Variants in SLC24A2 observed in about 807,000 individuals in gnomAD.
SLC24A2 encodes sodium/potassium/calcium exchanger 2.
In SLC24A2, 36 loss-of-function variants were observed where a neutral mutation model predicts 62.0. The observed-to-expected ratio is 0.58, with a 90% CI of 0.44 to 0.77. SLC24A2 has a LOEUF of 0.77. SLC24A2 is among the 30% of genes least tolerant of loss of function. The probability of loss-of-function intolerance (pLI) is 0.00; values close to 1 mark genes in which losing one functional copy is unlikely to be tolerated. For synonymous variants in SLC24A2, 358 were observed against 294.0 expected, an observed-to-expected ratio of 1.22 and a Z score of -2.23; for missense variants, 846 against 817.9, an observed-to-expected ratio of 1.03 and a Z score of -0.42.
At chr9:20,087,802 G>T in the SLC24A2 span, among the ~76,000 whole-genome samples, 1 of 151,698 alleles carries the variant, frequency 6.6e-6, no homozygotes, top group East Asian at 1.9e-4. Context: ...ACATGCACTG[G>T]CATTCATCAA....
the SLC24A2 span, among the ~76,000 whole-genome samples, chr9:20,112,739 G>A: frequency 8.6e-5 from 13 of 152,004 alleles, no homozygotes; most frequent in East Asian, 1.9e-4. Context: ...CTGGGGACCC[G>A]AGAGGTGGCT....
At chr9:19,990,348 G>A in the SLC24A2 span, among the ~76,000 whole-genome samples, 121,138 of 151,936 alleles carry the variant, frequency 0.8, 48,550 homozygotes, top group Non-Finnish European at 0.83. Flanking sequence ...ACGGTGGCTC[G>A]TACCTCTAAT....
At position 19,781,148 on chromosome 9, in the gene SLC24A2, C is replaced by T. The variant is rs1237395068; in HGVS notation, c.930+4789G>A. Among the ~76,000 whole-genome samples, 11 of 152,056 alleles carry T rather than the reference C, an allele frequency of 7.2e-5. No homozygotes were observed. The East Asian group carries it at 1.9e-3, about 27-fold the overall frequency. On this transcript the variant is annotated intron_variant, in intron 2 of 10. Transcript: ENST00000341998. ...CATATTCTGGTTACTAGAGACTTAC[C>T]TAAAACAAAAGAAGGTTGAAAATAA...
At chr9:20,066,866 T>G in the SLC24A2 span, among the ~76,000 whole-genome samples, 70 of 152,308 alleles carry the variant, frequency 4.6e-4, 2 homozygotes, top group South Asian at 1.9e-3. Context: ...GGTAATGACT[T>G]GTTTCTGTTG....
chr9:19,535,196 T>C (rs1833898867), intron 8 of SLC24A2, among the ~76,000 whole-genome samples: 1 of 152,190 alleles, frequency 6.6e-6, no homozygotes, highest in Non-Finnish European at 1.5e-5. Flanking sequence ...TGCCCACTTT[T>C]TGATGGGGTT....
At chr9:19,751,415 T>G (rs1347509430) in intron 2 of SLC24A2, among the ~76,000 whole-genome samples, 2 of 152,090 alleles carry the variant, frequency 1.3e-5, no homozygotes, top group African/African-American at 4.8e-5. Context: ...TTTTCAAAAT[T>G]TAAAAGTCTT....
the SLC24A2 span, among the ~76,000 whole-genome samples, chr9:20,275,171 A>G: frequency 6.6e-6 from 1 of 152,204 alleles, no homozygotes; most frequent in African/African-American, 2.4e-5. Flanking sequence ...CCTGAAGCTA[A>G]AAGTAAACAT....
At chr9:19,958,396 G>A in the SLC24A2 span, among the ~76,000 whole-genome samples, 1 of 152,182 alleles carries the variant, frequency 6.6e-6, no homozygotes, top group Non-Finnish European at 1.5e-5. Flanking sequence ...TCCACACAGA[G>A]GTCTGTTTCT....
the SLC24A2 span, among the ~76,000 whole-genome samples, chr9:19,934,929 T>C: frequency 6.6e-6 from 1 of 152,108 alleles, no homozygotes; most frequent in African/African-American, 2.4e-5. This position sits in a 1 kb window ranked among gnomAD's most constrained non-coding sequence, Gnocchi z 4.1. Context: ...AGGGGTCTCA[T>C]GGCCTTGAGA....
chr9:19,673,269 G>A (rs1819468990), intron 2 of SLC24A2, among the ~76,000 whole-genome samples: 2 of 146,496 alleles, frequency 1.4e-5, no homozygotes, highest in Non-Finnish European at 3.0e-5. Context: ...TGTTGGACAA[G>A]TCCTTTTATC....
chr9:19,527,192 CAA>C (rs987080218), intron 9 of SLC24A2, among the ~76,000 whole-genome samples: 3 of 151,994 alleles, frequency 2.0e-5, no homozygotes, highest in Non-Finnish European at 2.9e-5. Context: ...TTATATTAAA[CAA>C]AGGATACAAG....
chr9:20,242,350 G>A, the SLC24A2 span, among the ~76,000 whole-genome samples: 2 of 152,190 alleles, frequency 1.3e-5, no homozygotes, highest in African/African-American at 2.4e-5. Context: ...CTTCCTACTC[G>A]ATGCATTACT....
chr9:20,045,063 G>T, the SLC24A2 span, among the ~76,000 whole-genome samples: 1 of 152,080 alleles, frequency 6.6e-6, no homozygotes, highest in Admixed American at 6.5e-5. Context: ...TATTTTTGTT[G>T]TATTAAATAA....
At chr9:20,185,793 G>A in the SLC24A2 span, among the ~76,000 whole-genome samples, 2 of 152,226 alleles carry the variant, frequency 1.3e-5, no homozygotes, top group Admixed American at 6.5e-5. Context: ...TCTAAAGTTT[G>A]TAGAGACTGG....
the SLC24A2 span, among the ~76,000 whole-genome samples, chr9:20,113,381 C>T: frequency 2.6e-5 from 4 of 152,048 alleles, no homozygotes; most frequent in Non-Finnish European, 4.4e-5. Context: ...ACTGTTTGAG[C>T]ATTAAATGAT....
the SLC24A2 span, among the ~76,000 whole-genome samples, chr9:19,852,644 A>G: frequency 1.9e-3 from 283 of 151,990 alleles, 2 homozygotes; most frequent in African/African-American, 5.8e-3. Context: ...GTGTGGTCTT[A>G]TTTCTGAGTT....
the SLC24A2 span, among the ~76,000 whole-genome samples, chr9:19,884,045 C>T: frequency 6.6e-6 from 1 of 152,124 alleles, no homozygotes; most frequent in African/African-American, 2.4e-5. Flanking sequence ...ATCAACTATA[C>T]TCATGTGATA....
chr9:19,964,475 G>A, the SLC24A2 span, among the ~76,000 whole-genome samples: 1 of 152,186 alleles, frequency 6.6e-6, no homozygotes. Context: ...CCACTATGTG[G>A]TTTTGATAGA....
At chr9:19,780,872 CAAAAA>C (rs373405657) in intron 2 of SLC24A2, among the ~76,000 whole-genome samples, 1 of 36,254 alleles carries the variant, frequency 2.8e-5, no homozygotes, top group Non-Finnish European at 6.4e-5. Flanking sequence ...GACTCCGTCT[CAAAAA>C]AAAAAAAAAA....
Sources: allele counts gnomAD v4.1 joint callset (sites outside exome capture counted in the v4.1 genomes callset), GRCh38; gene constraint gnomAD v4.1.1; non-coding constraint Gnocchi (gnomAD v3.1); transcripts MANE v1.5; gene names NCBI Gene and HGNC (gene_info 2026-07-23, HGNC 2026-07-21).